The following GRM7 variants were observed in gnomAD, a reference collection of about 807,000 sequenced individuals.
The protein encoded by GRM7 is glutamate metabotropic receptor 7.
Under a neutral mutation model 84.5 loss-of-function variants are expected in GRM7, and 35 were observed. The observed-to-expected ratio is 0.41, with a 90% CI of 0.32 to 0.55. The LOEUF is 0.55. Among genes scored for constraint, GRM7 ranks in the 20% least tolerant of loss-of-function variants. GRM7 has a pLI of 0.19. For missense variants in GRM7, 1,003 were observed against 1,194.6 expected (o/e 0.84, Z 2.36); for synonymous variants, 487 against 455.1 (o/e 1.07, Z -0.89).
intron 1 of GRM7, among the ~76,000 whole-genome samples, chr3:7,038,579 ACTTT>A (rs1183348361): frequency 2.0e-5 from 3 of 152,168 alleles, no homozygotes; most frequent in Non-Finnish European, 2.9e-5. Context: ...CCTTGGATAC[ACTTT>A]CCAAAAGGGT....
chr3:7,226,939 A>AATAT (rs1305470442), intron 2 of GRM7, among the ~76,000 whole-genome samples: 1 of 152,122 alleles, frequency 6.6e-6, no homozygotes, highest in Non-Finnish European at 1.5e-5. Flanking sequence ...TGCTCCCATA[A>AATAT]ATAAATGTCA....
At chr3:7,622,529 C>CTG (rs1553626317) in intron 8 of GRM7, among the ~76,000 whole-genome samples, 1 of 152,014 alleles carries the variant, frequency 6.6e-6, no homozygotes, top group East Asian at 1.9e-4. Flanking sequence ...AAAATTGCAA[C>CTG]TGTGTTAAGT....
intron 1 of GRM7, among the ~76,000 whole-genome samples, chr3:6,904,491 G>A (rs1301803004): frequency 6.6e-6 from 1 of 152,134 alleles, no homozygotes; most frequent in Non-Finnish European, 1.5e-5. Context: ...ATATAAGACA[G>A]TGCAATATAA....
chr3:6,866,636 G>A (rs78206210), intron 1 of GRM7, among the ~76,000 whole-genome samples: 1,688 of 152,296 alleles, frequency 0.011, 10 homozygotes, highest in Non-Finnish European at 0.019. Flanking sequence ...ATGATCATAA[G>A]ACACAAGGCA....
intron 8 of GRM7, among the ~76,000 whole-genome samples, chr3:7,586,674 G>T (rs529235586): frequency 6.6e-6 from 1 of 152,088 alleles, no homozygotes; most frequent in Non-Finnish European, 1.5e-5. Context: ...CAGGCATGGT[G>T]GTGTGCATCT....
chr3:7,260,812 G>C (rs960713824), intron 2 of GRM7, among the ~76,000 whole-genome samples: 1 of 151,932 alleles, frequency 6.6e-6, no homozygotes, highest in Non-Finnish European at 1.5e-5. Context: ...GTAATGATAG[G>C]TTGCTAAATT....
chr3:7,615,333 A>C (rs184864946), intron 8 of GRM7, among the ~76,000 whole-genome samples: 1 of 151,932 alleles, frequency 6.6e-6, no homozygotes, highest in Admixed American at 6.6e-5. Context: ...TTCTACTGGG[A>C]CTCGAAGTTT....
At chr3:7,465,696 T>G (rs1009264848) in intron 7 of GRM7, among the ~76,000 whole-genome samples, 1 of 152,148 alleles carries the variant, frequency 6.6e-6, no homozygotes, top group South Asian at 2.1e-4. Flanking sequence ...CAAAGATTCA[T>G]GGGTACTTTT....
chr3:6,941,864 G>T (rs1397238528), intron 1 of GRM7, among the ~76,000 whole-genome samples: 2 of 152,106 alleles, frequency 1.3e-5, no homozygotes, highest in African/African-American at 4.8e-5. Context: ...TGGAGGCCCT[G>T]TCAGTCTTGT....
intron 4 of GRM7, among the ~76,000 whole-genome samples, chr3:7,404,035 C>A (rs1487787635): frequency 1.3e-5 from 2 of 151,940 alleles, no homozygotes; most frequent in African/African-American, 4.8e-5. Context: ...ATGCTCAGGC[C>A]CAACAGTAGA....
chr3:7,462,983 C>A (rs971010949), intron 7 of GRM7, among the ~76,000 whole-genome samples: 4 of 150,722 alleles, frequency 2.7e-5, no homozygotes, highest in Admixed American at 1.3e-4. Flanking sequence ...CAAACAAAAA[C>A]CTAAAAGGTA....
chr3:7,409,421 TTC>T (rs2125170886), intron 4 of GRM7, among the ~76,000 whole-genome samples: 1 of 145,818 alleles, frequency 6.9e-6, no homozygotes, highest in Admixed American at 6.8e-5. Context: ...TGGATAGATG[TTC>T]TCTCTCTTTT....
intron 1 of GRM7, among the ~76,000 whole-genome samples, chr3:7,020,010 G>A (rs573185753): frequency 6.6e-6 from 1 of 152,044 alleles, no homozygotes; most frequent in Non-Finnish European, 1.5e-5. Flanking sequence ...ATGCCACCAC[G>A]CCCAGCTAAT....
intron 1 of GRM7, among the ~76,000 whole-genome samples, chr3:6,962,724 A>T (rs79875744): frequency 1.4e-4 from 22 of 152,318 alleles, no homozygotes; most frequent in Non-Finnish European, 3.1e-4. Flanking sequence ...ACTGACTAAA[A>T]GTCTTGCTCT....
intron 7 of GRM7, among the ~76,000 whole-genome samples, chr3:7,531,480 T>G (rs1401526258): frequency 6.6e-6 from 1 of 152,172 alleles, no homozygotes; most frequent in African/African-American, 2.4e-5. Context: ...TGTCCTCTCT[T>G]ATTTCCTTGA....
chr3:6,930,824 C>T (rs1370473563), intron 1 of GRM7, among the ~76,000 whole-genome samples: 4 of 152,234 alleles, frequency 2.6e-5, no homozygotes, highest in Middle Eastern at 3.4e-3. Context: ...CATAAGAATG[C>T]GTCTTTTCCT....
chr3:7,506,592 G>A (rs1010459232), intron 7 of GRM7, among the ~76,000 whole-genome samples: 13 of 152,166 alleles, frequency 8.5e-5, no homozygotes, highest in African/African-American at 3.1e-4. Flanking sequence ...AAGGAAAAAT[G>A]TTTATTTAGC....
At chr3:7,026,556 A>G (rs1417299209) in intron 1 of GRM7, among the ~76,000 whole-genome samples, 3 of 152,222 alleles carry the variant, frequency 2.0e-5, no homozygotes, top group Non-Finnish European at 4.4e-5. Context: ...GCACTATGGA[A>G]TACTTACTAT....
chr3:7,050,968 A>G (rs1237986170), intron 1 of GRM7, among the ~76,000 whole-genome samples: 1 of 151,842 alleles, frequency 6.6e-6, no homozygotes, highest in African/African-American at 2.4e-5. Context: ...TGTAAGCTCC[A>G]CAGGACTGTG....
Sources: allele counts gnomAD v4.1 joint callset (sites outside exome capture counted in the v4.1 genomes callset), GRCh38; gene constraint gnomAD v4.1.1; transcripts MANE v1.5; gene names NCBI Gene and HGNC (gene_info 2026-07-23, HGNC 2026-07-21).